The following UNC13C variants were observed in gnomAD, a reference collection of about 807,000 sequenced individuals.
UNC13C encodes the protein protein unc-13 homolog C.
A neutral mutation model predicts 245.4 loss-of-function variants in UNC13C; 174 were observed. The observed-to-expected ratio is 0.71, with a 90% confidence interval of 0.63 to 0.80. UNC13C has a LOEUF of 0.80. Among genes scored for constraint, UNC13C ranks in the 30% least tolerant of loss-of-function variants. The pLI, the probability that UNC13C is intolerant of heterozygous loss-of-function variation, is 0.00. For synonymous variants in UNC13C, 992 were observed against 895.1 expected (o/e 1.11, Z -1.93); for missense variants, 2,829 against 2,602.9 (o/e 1.09, Z -1.89).
At chr15:54,421,641 C>T (rs149057733) in intron 19 of UNC13C, among the ~76,000 whole-genome samples, 13 of 152,144 alleles carry the variant, frequency 8.5e-5, no homozygotes, top group African/African-American at 1.9e-4. Context: ...TCTAGAAAAC[C>T]GCTGTGTGGA....
chr15:53,928,636 A>G, the UNC13C span, among the ~76,000 whole-genome samples: 1 of 152,338 alleles, frequency 6.6e-6, no homozygotes, highest in African/African-American at 2.4e-5. Context: ...GGACATTTGA[A>G]TATGTCTACT....
intron 4 of UNC13C, among the ~76,000 whole-genome samples, chr15:54,208,600 A>G (rs2034786035): frequency 6.6e-6 from 1 of 152,118 alleles, no homozygotes; most frequent in South Asian, 2.1e-4. Flanking sequence ...TAAGTACATT[A>G]TGTGTATGAT....
chr15:53,996,431 G>T (rs1299042614), intron 1 of UNC13C, among the ~76,000 whole-genome samples: 1 of 152,078 alleles, frequency 6.6e-6, no homozygotes, highest in Non-Finnish European at 1.5e-5. Flanking sequence ...GTCTTTGATT[G>T]CAGGGTTGAA....
chr15:53,854,996 GAA>G, the UNC13C span, among the ~76,000 whole-genome samples: 1 of 152,056 alleles, frequency 6.6e-6, no homozygotes, highest in African/African-American at 2.4e-5. Flanking sequence ...AGTTCTCCTT[GAA>G]GAGTTCCTTC....
At chr15:53,987,374 C>A (rs976587929) in intron 1 of UNC13C, among the ~76,000 whole-genome samples, 1 of 151,922 alleles carries the variant, frequency 6.6e-6, no homozygotes, top group Non-Finnish European at 1.5e-5. Flanking sequence ...GATCCTAACA[C>A]ATAATCTTGC....
chr15:54,269,929 A>G (rs1013222006), intron 10 of UNC13C, among the ~76,000 whole-genome samples: 1 of 152,196 alleles, frequency 6.6e-6, no homozygotes. Flanking sequence ...AGTACATAAT[A>G]TTTCAAAATA....
chr15:54,576,661 C>T (rs954799599), intron 30 of UNC13C, among the ~76,000 whole-genome samples: 48 of 152,182 alleles, frequency 3.2e-4, no homozygotes, highest in Non-Finnish European at 1.5e-4. Flanking sequence ...CTGGAGTCTA[C>T]TATACACCTG....
At chr15:54,412,563 A>G (rs1392987286) in intron 18 of UNC13C, among the ~76,000 whole-genome samples, 1 of 152,226 alleles carries the variant, frequency 6.6e-6, no homozygotes, top group East Asian at 1.9e-4. Flanking sequence ...GCTATTATAA[A>G]TGATACTATT....
chr15:53,882,397 T>A, the UNC13C span, among the ~76,000 whole-genome samples: 1 of 152,188 alleles, frequency 6.6e-6, no homozygotes, highest in Non-Finnish European at 1.5e-5. Context: ...GTTTTTATTA[T>A]AATTCATTAT....
At chr15:54,318,235 A>G (rs997532305) in intron 13 of UNC13C, among the ~76,000 whole-genome samples, 3 of 151,936 alleles carry the variant, frequency 2.0e-5, no homozygotes, top group Non-Finnish European at 2.9e-5. Context: ...ATTTGTAGAT[A>G]TATCCATTAA....
intron 1 of UNC13C, among the ~76,000 whole-genome samples, chr15:53,996,189 C>T (rs906691233): frequency 1.3e-4 from 20 of 152,166 alleles, no homozygotes; most frequent in African/African-American, 4.6e-4. Flanking sequence ...TAGAGATGTA[C>T]AGCAAACATA....
intron 19 of UNC13C, among the ~76,000 whole-genome samples, chr15:54,423,510 C>T (rs2040696195): frequency 6.6e-6 from 1 of 151,674 alleles, no homozygotes; most frequent in African/African-American, 2.4e-5. Context: ...TCTAAATATA[C>T]ATAAAAAATG....
At position 54,542,229 on chromosome 15, in the gene UNC13C, T is replaced by C. The variant is rs114493910; in HGVS notation, c.5697-4493T>C. ...TTTTTCATTGTTTTCAAAGAACTTATTTATTTCTGCCTTGATTTCGTTATT... is the reference window on the plus strand; with the variant it reads ...TTTTTCATTGTTTTCAAAGAACTTACTTATTTCTGCCTTGATTTCGTTATT... On this transcript the variant is annotated intron_variant, in intron 26 of 32. Coordinates refer to ENST00000260323, the MANE Select transcript of UNC13C (RefSeq NM_001080534.3). 6.3e-3 allele frequency among the ~76,000 whole-genome samples: 962 copies of C among 152,294 alleles called. 7 individuals are homozygous for C. Among genetic ancestry groups the C allele is most frequent in the African/African-American group, 0.022 (904 of 41,564 alleles).
At chr15:54,305,423 T>G (rs2140954055) in intron 13 of UNC13C, among the ~76,000 whole-genome samples, 1 of 152,234 alleles carries the variant, frequency 6.6e-6, no homozygotes, top group East Asian at 1.9e-4. Flanking sequence ...AGAGATAGTT[T>G]CCACCATACT....
chr15:54,567,947 A>C lies in UNC13C; in HGVS notation c.6106A>C (p.Ser2036Arg). The C allele has an allele frequency of 1.3e-6, 2 of 1,557,956 alleles. No individual in the cohort carries two copies. Among genetic ancestry groups the C allele is most frequent in the Non-Finnish European group, 1.7e-6 (2 of 1,150,568 alleles). Residue 2036 changes from serine (S) to arginine (R), a missense_variant and splice_region_variant, in exon 30 of 33, where the codon AGT becomes CGT. By Grantham distance (110) the Ser-to-Arg change is moderately radical. Transcript: ENST00000260323. ...KKFIDTQTSQ[S>R]RSSKDAVGQI... Reference sequence around the variant, plus strand: ...ATTCATAGATACTCAAACCTCACAGAGTAAGTAACACATAGGACCTGAGAA... The same window carrying C: ...ATTCATAGATACTCAAACCTCACAGCGTAAGTAACACATAGGACCTGAGAA...
chr15:54,190,591 A>G (rs1028233125), intron 4 of UNC13C, among the ~76,000 whole-genome samples: 4 of 152,004 alleles, frequency 2.6e-5, no homozygotes, highest in African/African-American at 9.7e-5. Flanking sequence ...GTCACTTCAT[A>G]TTTTCTAGAA....
upstream of UNC13C, among the ~76,000 whole-genome samples, chr15:53,976,471 C>CTTTT (rs1491026119): frequency 7.5e-3 from 236 of 31,298 alleles, 1 homozygote; most frequent in African/African-American, 0.014. Context: ...CTCTCTCTCT[C>CTTTT]TCTCTCTTTT....
intron 28 of UNC13C, among the ~76,000 whole-genome samples, chr15:54,552,897 A>ATTC (rs373695961): frequency 1.2e-5 from 1 of 84,356 alleles, no homozygotes; most frequent in Non-Finnish European, 2.0e-5. Flanking sequence ...ATTACTATAT[A>ATTC]TATATTAATA....
chr15:54,528,255 C>G (rs1895567752), intron 25 of UNC13C, among the ~76,000 whole-genome samples: 1 of 151,598 alleles, frequency 6.6e-6, no homozygotes, highest in South Asian at 2.1e-4. Flanking sequence ...TTAAAACTTT[C>G]AAAAGGTGTG....
Sources: allele counts gnomAD v4.1 joint callset (sites outside exome capture counted in the v4.1 genomes callset), GRCh38; gene constraint gnomAD v4.1.1; transcripts MANE v1.5; gene names NCBI Gene and HGNC (gene_info 2026-07-23, HGNC 2026-07-21).